C1orf198: variants seen among roughly 807,000 people sequenced by gnomAD.
C1orf198 encodes uncharacterized protein C1orf198.
In C1orf198, 17 loss-of-function variants were observed where a neutral mutation model predicts 31.4. The ratio of observed to expected loss-of-function variants is 0.54; its 90% CI spans 0.37 to 0.81. The LOEUF (loss-of-function observed/expected upper bound fraction) is 0.81, where lower values mean the gene tolerates loss of function less well. Ranked by LOEUF, C1orf198 falls within the 40% of genes least tolerant of loss-of-function variation. C1orf198 has a pLI of 0.00. For synonymous variants in C1orf198, 175 were observed against 193.8 expected (o/e 0.90, Z 0.81); for missense variants, 401 against 450.3 (o/e 0.89, Z 0.99).
At chr1:230,854,601 C>T (rs140879117) in intron 2 of C1orf198, among the ~76,000 whole-genome samples, 9 of 152,188 alleles carry the variant, frequency 5.9e-5, no homozygotes, top group Admixed American at 2.0e-4. Flanking sequence ...AATTGTCCCA[C>T]GCTCCCACGC....
In C1orf198 at chr1:230,868,303, G is replaced by A. The variant is rs767382825; in HGVS notation, c.210C>T (p.Ile70=). ...CGCGCGGCCCCACCAGGCACCGGTC[G>A]ATGATCTCGTCCTGCTGCGCGGGCG... ...RLPPAQQDEI[I]DRCLVGPRAP... The change falls in exon 1 of 4, where the codon ATC becomes ATT. Residue 70 remains isoleucine (I), a synonymous_variant. Transcript: ENST00000366663. 5.0e-6 allele frequency: 8 copies of A among 1,598,880 alleles called. No homozygotes were observed. The highest frequency in any genetic ancestry group is 6.0e-6 in the Non-Finnish European group (7 of 1,173,620).
At chr1:230,864,152 T>C (rs182998125) in intron 1 of C1orf198, among the ~76,000 whole-genome samples, 5 of 152,320 alleles carry the variant, frequency 3.3e-5, no homozygotes, top group East Asian at 1.9e-4. Context: ...AGCTGTTTTA[T>C]AATGCTCCTT....
At chr1:230,841,902 T>C (rs991417315) in intron 3 of C1orf198, among the ~76,000 whole-genome samples, 1 of 152,124 alleles carries the variant, frequency 6.6e-6, no homozygotes. Context: ...TGTCTGTCGA[T>C]GGATGAGTGG....
chr1:230,855,969 G>A (rs746745319), intron 1 of C1orf198: 74 of 1,294,428 alleles, frequency 5.7e-5, no homozygotes, highest in Non-Finnish European at 6.5e-5. Flanking sequence ...TGCCGGTGAG[G>A]CCCCCCAATG....
At chr1:230,841,292 T>C (rs1669433962) in intron 3 of C1orf198, among the ~76,000 whole-genome samples, 1 of 152,158 alleles carries the variant, frequency 6.6e-6, no homozygotes, top group Non-Finnish European at 1.5e-5. Context: ...AGAGCACTGA[T>C]GTGGAGCCGA....
rs564904726 is a variant in C1orf198 at position 230,843,951 on chromosome 1, C to T, written c.385-55G>A. ...AAAGAAAGAGATCCTGAGAATCGAC[C>T]GTCACAAGTGTGCCAGCTCACGCAC... On this transcript the variant is annotated intron_variant, in intron 2 of 3. Transcript: ENST00000366663. The surrounding 1 kb of genome is among the most constrained non-coding windows in gnomAD (Gnocchi z 4.9). 9.4e-6 allele frequency: 14 copies of T among 1,484,020 alleles called. No individual in the cohort carries two copies. Among genetic ancestry groups the T allele is most frequent in the South Asian group, 5.5e-5 (4 of 72,712 alleles). 91.9% of individuals were successfully genotyped at this position (1,484,020 alleles called of 1,614,324 possible).
rs74955226 is a variant in C1orf198 at position 230,864,860 on chromosome 1, A to G, written c.333+3320T>C. Among the ~76,000 whole-genome samples, 56 of 152,340 alleles carry G rather than the reference A, an allele frequency of 3.7e-4. 2 individuals carry two copies. In the East Asian group the frequency reaches 0.01, roughly 28 times the overall value. Reference sequence around the variant, plus strand: ...AGCAGGGAGGAACACATTCCTAACAATTCAGAGGTGTGTGGGGTTTTCTCC... The same window carrying G: ...AGCAGGGAGGAACACATTCCTAACAGTTCAGAGGTGTGTGGGGTTTTCTCC... On this transcript the variant is annotated intron_variant, in intron 1 of 3. Coordinates refer to ENST00000366663, the MANE Select transcript of C1orf198 (RefSeq NM_032800.3).
intron 2 of C1orf198, among the ~76,000 whole-genome samples, chr1:230,850,998 G>A (rs184837586): frequency 1.3e-5 from 2 of 152,174 alleles, no homozygotes; most frequent in African/African-American, 4.8e-5. Flanking sequence ...CTGACCCACA[G>A]CGTGAACAGG....
chr1:230,845,864 T>C (rs931308655), intron 2 of C1orf198, among the ~76,000 whole-genome samples: 2 of 152,212 alleles, frequency 1.3e-5, no homozygotes, highest in Non-Finnish European at 2.9e-5. Flanking sequence ...CATTTTCATA[T>C]ATGTGTTTTA....
intron 3 of C1orf198, among the ~76,000 whole-genome samples, chr1:230,842,785 G>C (rs1267446586): frequency 6.6e-6 from 1 of 151,818 alleles, no homozygotes; most frequent in Non-Finnish European, 1.5e-5. Flanking sequence ...CAAGAACCAA[G>C]GAGTCTCAAG....
At chr1:230,849,237 G>T (rs1413629477) in intron 2 of C1orf198, among the ~76,000 whole-genome samples, 2 of 152,202 alleles carry the variant, frequency 1.3e-5, no homozygotes, top group Non-Finnish European at 2.9e-5. Flanking sequence ...GAGAAAGGAG[G>T]TCATGCCAGC....
At chr1:230,845,216 T>TAAA (rs11355270) in intron 2 of C1orf198, among the ~76,000 whole-genome samples, 3 of 117,084 alleles carry the variant, frequency 2.6e-5, no homozygotes, top group East Asian at 2.8e-4. Context: ...TTAAAAAAAT[T>TAAA]AAAAAAAAAA....
At chr1:230,842,055 A>C (rs1487594406) in intron 3 of C1orf198, among the ~76,000 whole-genome samples, 2 of 152,194 alleles carry the variant, frequency 1.3e-5, no homozygotes, top group African/African-American at 2.4e-5. Flanking sequence ...ATATGGTGCT[A>C]CTTATATGAG....
Position 230,849,347 on chromosome 1 carries a change from C to T in C1orf198, c.385-5451G>A, listed in dbSNP as rs546434074. ...GGGCCATGGGACGCCAACTCATGGG[C>T]GCTGGCCACAGACAGAAAGCCGGGG... On this transcript the variant is annotated intron_variant, in intron 2 of 3. Transcript: ENST00000366663. Among the ~76,000 whole-genome samples, 10 of 152,194 alleles carry T rather than the reference C, an allele frequency of 6.6e-5. No individual in the cohort carries two copies. In the South Asian group the frequency reaches 1.7e-3, roughly 25 times the overall value.
rs1238990885 is a variant in C1orf198 at position 230,843,122 on chromosome 1, C to G, written c.927+232G>C. 6.6e-6 allele frequency among the ~76,000 whole-genome samples: 1 copy of G among 152,236 alleles called. No homozygotes were observed. On this transcript the variant is annotated intron_variant, in intron 3 of 3. Transcript: ENST00000366663. This position sits in a 1 kb window ranked among gnomAD's most constrained non-coding sequence, Gnocchi z 4.9. ...GGGAAAGCGCAGTGGGCCACGGAACCCTGACTGGTAAACAAATTAGGGCAC... is the reference window on the plus strand; with the variant it reads ...GGGAAAGCGCAGTGGGCCACGGAACGCTGACTGGTAAACAAATTAGGGCAC...
chr1:230,845,819 A>T (rs1669575328), intron 2 of C1orf198, among the ~76,000 whole-genome samples: 1 of 152,224 alleles, frequency 6.6e-6, no homozygotes, highest in South Asian at 2.1e-4. Flanking sequence ...CCCTCCTCCC[A>T]TAATCACTAC....
At chr1:230,858,198 G>A (rs1451120993) in intron 1 of C1orf198, among the ~76,000 whole-genome samples, 1 of 152,142 alleles carries the variant, frequency 6.6e-6, no homozygotes, top group Admixed American at 6.5e-5. Flanking sequence ...CCTTGTCCAC[G>A]TCTCTGTGTG....
At position 230,840,228 on chromosome 1, in the gene C1orf198, G is replaced by A. The variant is rs988352651; in HGVS notation, c.928-320C>T. Among the ~76,000 whole-genome samples the A allele has an allele frequency of 1.3e-5, 2 of 152,154 alleles. No homozygotes were observed. The highest frequency in any genetic ancestry group is 4.8e-5 in the African/African-American group (2 of 41,424). ...TTTTCTGTTTCTGAATGACAGCCAT[G>A]TTTAAATTTATTCATCCTAAATAAG... On this transcript the variant is annotated intron_variant, in intron 3 of 3. Coordinates refer to ENST00000366663, the MANE Select transcript of C1orf198 (RefSeq NM_032800.3). This position sits in a 1 kb window ranked among gnomAD's most constrained non-coding sequence, Gnocchi z 4.0.
At chr1:230,856,017 C>T (rs1428147427) in intron 1 of C1orf198, 3 of 1,158,110 alleles carry the variant, frequency 2.6e-6, no homozygotes, top group African/African-American at 3.2e-5. Context: ...TGGATGAGGG[C>T]TTGATGGTCT....
Sources: gnomAD v4.1 joint callset for allele counts (sites outside exome capture counted in the v4.1 genomes callset) on GRCh38, gnomAD v4.1.1 for gene constraint, Gnocchi (gnomAD v3.1) non-coding constraint, MANE v1.5 for transcripts, NCBI Gene and HGNC (gene_info 2026-07-23, HGNC 2026-07-21) for gene names.